Variants in ZNF804B observed in about 807,000 individuals in gnomAD.
The protein encoded by ZNF804B is zinc finger 804B.
In ZNF804B, 80 loss-of-function variants were observed where a neutral mutation model predicts 101.4. That is an observed-to-expected ratio of 0.79 (90% confidence interval 0.66 to 0.95). The LOEUF is 0.95. Among genes scored for constraint, ZNF804B ranks in the 40% least tolerant of loss-of-function variants. ZNF804B has a pLI of 0.00. For missense variants in ZNF804B, 1,673 were observed against 1,561.9 expected (o/e 1.07, Z -1.20); for synonymous variants, 622 against 558.8 (o/e 1.11, Z -1.59).
chr7:89,068,890 T>A (rs1789494894), intron 1 of ZNF804B, among the ~76,000 whole-genome samples: 1 of 152,144 alleles, frequency 6.6e-6, no homozygotes, highest in African/African-American at 2.4e-5. Flanking sequence ...AAGCCTGTTT[T>A]AGAAACAGTC....
intron 1 of ZNF804B, among the ~76,000 whole-genome samples, chr7:88,966,993 A>G (rs978292885): frequency 3.3e-5 from 5 of 150,504 alleles, no homozygotes; most frequent in African/African-American, 1.2e-4. Context: ...GTAATACACC[A>G]GTCCACTGTG....
intron 2 of ZNF804B, among the ~76,000 whole-genome samples, chr7:89,303,838 A>C (rs1790520358): frequency 6.6e-6 from 1 of 151,906 alleles, no homozygotes; most frequent in Non-Finnish European, 1.5e-5. Context: ...TTTATAAATT[A>C]ATTATGCATA....
At chr7:89,326,613 G>A (rs771725155) in intron 2 of ZNF804B, among the ~76,000 whole-genome samples, 2 of 152,048 alleles carry the variant, frequency 1.3e-5, no homozygotes, top group Non-Finnish European at 2.9e-5. Context: ...GATTTTGGCT[G>A]TTTCTCAGTT....
chr7:89,263,621 G>A (rs1789742033), intron 2 of ZNF804B, among the ~76,000 whole-genome samples: 1 of 151,476 alleles, frequency 6.6e-6, no homozygotes, highest in South Asian at 2.1e-4. Context: ...TTATGCAGGT[G>A]TCATTAAGTT....
rs1302226138 is a variant in ZNF804B, at chr7:89,194,794, G to A, written c.109-23361G>A. ...TGGCTTAGGATTGACTTGGCGATGCGGGCTCTTTTTTGCTTCCATATGAAC... is the reference window on the plus strand; with the variant it reads ...TGGCTTAGGATTGACTTGGCGATGCAGGCTCTTTTTTGCTTCCATATGAAC... On this transcript the variant is annotated intron_variant, in intron 1 of 3. Transcript: ENST00000333190. Among the ~76,000 whole-genome samples the A allele has an allele frequency of 2.6e-5, 4 of 150,954 alleles. No individual in the cohort carries two copies. In the South Asian group the frequency reaches 6.3e-4, roughly 24 times the overall value.
At chr7:89,061,711 A>G (rs1299738715) in intron 1 of ZNF804B, among the ~76,000 whole-genome samples, 1 of 152,122 alleles carries the variant, frequency 6.6e-6, no homozygotes, top group African/African-American at 2.4e-5. Flanking sequence ...AAGAGAGTTA[A>G]TATATATAAA....
chr7:88,830,940 C>T (rs1051524604), intron 1 of ZNF804B, among the ~76,000 whole-genome samples: 3 of 151,750 alleles, frequency 2.0e-5, no homozygotes, highest in African/African-American at 7.2e-5. Flanking sequence ...TAAATTTTAA[C>T]AATTCTTTAA....
chr7:89,096,205 C>A (rs922473000), intron 1 of ZNF804B, among the ~76,000 whole-genome samples: 1 of 150,144 alleles, frequency 6.7e-6, no homozygotes, highest in Non-Finnish European at 1.5e-5. Flanking sequence ...AGAAATGGAT[C>A]AATCTATGGT....
At chr7:88,954,255 T>C (rs1400677853) in intron 1 of ZNF804B, among the ~76,000 whole-genome samples, 2 of 151,776 alleles carry the variant, frequency 1.3e-5, no homozygotes, top group Non-Finnish European at 2.9e-5. Flanking sequence ...CAGAGAAAAC[T>C]AATTTGTCTG....
In ZNF804B at chr7:89,132,650, G is replaced by C. The variant is rs545604409; in HGVS notation, c.109-85505G>C. Among the ~76,000 whole-genome samples the C allele has an allele frequency of 2.6e-5, 4 of 152,140 alleles. No individual in the cohort carries two copies. The South Asian group carries it at 8.3e-4, about 32-fold the overall frequency. On this transcript the variant is annotated intron_variant, in intron 1 of 3. Transcript: ENST00000333190. ...TATGTGAGCAGTTTTGAGAATTAAT[G>C]AGTTGATATATGTATAAACTTATGC... is the stretch of plus-strand genomic sequence containing the variant.
chr7:88,772,854 CAGGCAAAAT>C (rs1386599168), intron 1 of ZNF804B, among the ~76,000 whole-genome samples: 1 of 151,712 alleles, frequency 6.6e-6, no homozygotes, highest in African/African-American at 2.4e-5. Context: ...TTCTAGGAGC[CAGGCAAAAT>C]AGTCATAAGC....
chr7:88,867,073 T>C (rs909329487), intron 1 of ZNF804B, among the ~76,000 whole-genome samples: 2 of 151,994 alleles, frequency 1.3e-5, no homozygotes, highest in African/African-American at 4.8e-5. Flanking sequence ...ATAAGAAACA[T>C]GAGAAAAATA....
chr7:88,840,443 A>G (rs567797867), intron 1 of ZNF804B, among the ~76,000 whole-genome samples: 1 of 152,284 alleles, frequency 6.6e-6, no homozygotes, highest in East Asian at 1.9e-4. Flanking sequence ...AATTGTCTGT[A>G]AAATAAGAAT....
At chr7:88,865,228 C>CAAAAAAAAAA (rs10706264) in intron 1 of ZNF804B, among the ~76,000 whole-genome samples, 1 of 115,816 alleles carries the variant, frequency 8.6e-6, no homozygotes. Flanking sequence ...GACTTCGTAT[C>CAAAAAAAAAA]AAAAAAAAAA....
intron 2 of ZNF804B, among the ~76,000 whole-genome samples, chr7:89,312,750 T>G (rs977561345): frequency 6.6e-6 from 1 of 151,068 alleles, no homozygotes; most frequent in Non-Finnish European, 1.5e-5. Context: ...TCCCAGCTAC[T>G]AGGAAGGCTG....
chr7:89,019,542 G>A (rs1788629275), intron 1 of ZNF804B, among the ~76,000 whole-genome samples: 1 of 151,956 alleles, frequency 6.6e-6, no homozygotes, highest in Non-Finnish European at 1.5e-5. Flanking sequence ...TGGATTTTCT[G>A]TATAGATGAG....
At chr7:88,995,463 A>G (rs907130222) in intron 1 of ZNF804B, among the ~76,000 whole-genome samples, 2 of 152,062 alleles carry the variant, frequency 1.3e-5, no homozygotes, top group Admixed American at 6.6e-5. Flanking sequence ...GTATTATTTC[A>G]CTATCATAAA....
intron 1 of ZNF804B, among the ~76,000 whole-genome samples, chr7:88,956,191 C>T (rs6958067): frequency 0.015 from 2,308 of 151,564 alleles, 67 homozygotes; most frequent in African/African-American, 0.052. Flanking sequence ...TCTCAAAAAA[C>T]TAAAAATGGA....
At chr7:89,331,072 A>T (rs1790969729) in intron 3 of ZNF804B, among the ~76,000 whole-genome samples, 1 of 151,740 alleles carries the variant, frequency 6.6e-6, no homozygotes, top group Non-Finnish European at 1.5e-5. Flanking sequence ...GAAAGGAAGA[A>T]CAATAGTATC....
Sources: gnomAD v4.1 joint callset for allele counts (sites outside exome capture counted in the v4.1 genomes callset) on GRCh38, gnomAD v4.1.1 for gene constraint, MANE v1.5 for transcripts, NCBI Gene and HGNC (gene_info 2026-07-23, HGNC 2026-07-21) for gene names.